Variants in RASSF9 observed in about 807,000 individuals in gnomAD.
RASSF9 encodes the protein ras association domain-containing protein 9.
Under a neutral mutation model 21.4 loss-of-function variants are expected in RASSF9, and 18 were observed. The observed-to-expected ratio is 0.84, with a 90% CI of 0.58 to 1.25. The LOEUF (loss-of-function observed/expected upper bound fraction) is 1.25. Among genes scored for constraint, RASSF9 ranks in the 50% most tolerant of loss-of-function variants. RASSF9 has a pLI of 0.00. For synonymous variants in RASSF9, 183 were observed against 179.1 expected, an observed-to-expected ratio of 1.02 and a Z score of -0.18; for missense variants, 480 against 503.2, an observed-to-expected ratio of 0.95 and a Z score of 0.44.
intron 1 of RASSF9, 51 bp downstream of exon 1, chr12:85,836,104 C>G: frequency 4.5e-6 from 6 of 1,334,372 alleles, no homozygotes; most frequent in Non-Finnish European, 6.0e-6. Flanking sequence ...ACACACAAGA[C>G]ACACACACAC....
At chr12:85,819,375 G>A (rs532812618) in intron 1 of RASSF9, among the ~76,000 whole-genome samples, 1 of 152,098 alleles carries the variant, frequency 6.6e-6, no homozygotes, top group Admixed American at 6.5e-5. Flanking sequence ...AATGTTTATC[G>A]TAAAAATTAG....
intron 1 of RASSF9, among the ~76,000 whole-genome samples, chr12:85,820,777 G>A (rs1387108538): frequency 6.6e-6 from 1 of 152,104 alleles, no homozygotes; most frequent in Non-Finnish European, 1.5e-5. Context: ...TCTTCTTTAA[G>A]TTTTAGAGAA....
chr12:85,806,272 G>T (rs371782218), intron 1 of RASSF9, among the ~76,000 whole-genome samples: 4 of 150,912 alleles, frequency 2.7e-5, no homozygotes, highest in African/African-American at 7.3e-5. Flanking sequence ...GGATGGTCTC[G>T]ATCTCCTGAC....
intron 1 of RASSF9, among the ~76,000 whole-genome samples, chr12:85,829,955 T>A (rs1444228280): frequency 1.3e-5 from 2 of 152,016 alleles, no homozygotes; most frequent in Non-Finnish European, 2.9e-5. Context: ...CAATTAGGAG[T>A]TTAATCTCTT....
chr12:85,811,283 G>C (rs907089305), intron 1 of RASSF9, among the ~76,000 whole-genome samples: 4 of 151,744 alleles, frequency 2.6e-5, no homozygotes, highest in African/African-American at 9.7e-5. Flanking sequence ...GAGGAATAGG[G>C]ACTGAGACTG....
At chr12:85,831,833 A>G (rs1880457772) in intron 1 of RASSF9, among the ~76,000 whole-genome samples, 1 of 152,000 alleles carries the variant, frequency 6.6e-6, no homozygotes, top group Non-Finnish European at 1.5e-5. Context: ...CTTCCGATGA[A>G]GCAATCATTG....
In RASSF9 at chr12:85,821,004, C is replaced by T. The variant is rs1044635488; in HGVS notation, c.48-15042G>A. Among the ~76,000 whole-genome samples the T allele has an allele frequency of 3.9e-5, 6 of 152,052 alleles. No homozygotes were observed. In the East Asian group the frequency reaches 1.2e-3, roughly 29 times the overall value. The stretch of plus-strand genomic sequence containing the variant: ...ACTAAAAATACAAAAATTAGTCAGG[C>T]GTAGTGGCACGGGCCTATAGTCCCA... On this transcript the variant is annotated intron_variant, in intron 1 of 1. Transcript: ENST00000361228.
chr12:85,836,401 G>T lies in RASSF9; in HGVS notation c.-200C>A. 3 of 1,222,418 alleles carry T rather than the reference G, an allele frequency of 2.5e-6. No homozygotes were observed. Among genetic ancestry groups the T allele is most frequent in the Non-Finnish European group, 2.2e-6 (2 of 899,888 alleles). The allele number at this position is 1,222,418 out of a possible 1,614,324, so 75.7% of individuals were successfully genotyped here. A position where few individuals can be genotyped will look rare whatever the true frequency, so the allele number is the denominator to read the frequency against. Reference sequence around the variant, plus strand: ...ACTGCTGCTTAACTTTGAACTGCGGGATTGTTGTGGCTGCTGCACCTCTGG... The same window carrying T: ...ACTGCTGCTTAACTTTGAACTGCGGTATTGTTGTGGCTGCTGCACCTCTGG... On this transcript the variant is annotated 5_prime_UTR_variant, in exon 1 of 2. Coordinates refer to ENST00000361228, the MANE Select transcript of RASSF9 (RefSeq NM_005447.4).
At position 85,805,295 on chromosome 12, in the gene RASSF9, T is replaced by C; in HGVS notation, c.715A>G (p.Ser239Gly). Residue 239 changes from serine to glycine, a missense_variant, in exon 2 of 2, where the codon AGT (serine) becomes GGT (glycine). Transcript: ENST00000361228. ...NYVQDAYLMP[S>G]FSEVEQNLDL... ...AGATTTTGCTCAACTTCACTGAAACTGGGCATTAAATATGCATCCTGAACA... is the reference window on the plus strand; with the variant it reads ...AGATTTTGCTCAACTTCACTGAAACCGGGCATTAAATATGCATCCTGAACA... 2 of 1,613,604 alleles carry C rather than the reference T, an allele frequency of 1.2e-6. No individual in the cohort carries two copies. The highest frequency in any genetic ancestry group is 1.7e-6 in the Non-Finnish European group (2 of 1,179,866).
At position 85,805,849 on chromosome 12, in the gene RASSF9, T is replaced by C; in HGVS notation, c.161A>G (p.Gln54Arg). Reference protein sequence around the residue: ...TKRTTSADVIQALLEEHEATF... With the variant: ...TKRTTSADVIRALLEEHEATF... ...AGCCTCATGTTCCTCAAGCAAAGCCTGGATGACATCAGCAGAGGTGGTGCG... is the reference window on the plus strand; with the variant it reads ...AGCCTCATGTTCCTCAAGCAAAGCCCGGATGACATCAGCAGAGGTGGTGCG... The change falls in exon 2 of 2, where the codon CAG becomes CGG. Residue 54 changes from glutamine to arginine, a missense_variant. Physicochemically the swap from Gln to Arg is conservative, Grantham distance 43 (BLOSUM62 1). Coordinates refer to ENST00000361228, the MANE Select transcript of RASSF9 (RefSeq NM_005447.4). 1 of 1,613,958 alleles carries C rather than the reference T, an allele frequency of 6.2e-7. No individual in the cohort carries two copies. The highest frequency in any genetic ancestry group is 1.3e-5 in the African/African-American group (1 of 75,042).
At chr12:85,812,506 T>C (rs1395086768) in intron 1 of RASSF9, among the ~76,000 whole-genome samples, 2 of 151,096 alleles carry the variant, frequency 1.3e-5, no homozygotes, top group African/African-American at 4.8e-5. Context: ...GAAAAATATA[T>C]AGCAGGAACG....
At chr12:85,825,813 C>T (rs947121642) in intron 1 of RASSF9, among the ~76,000 whole-genome samples, 1 of 148,086 alleles carries the variant, frequency 6.8e-6, no homozygotes, top group African/African-American at 2.6e-5. Context: ...CACACACACA[C>T]ACCCTTACAG....
intron 1 of RASSF9, among the ~76,000 whole-genome samples, chr12:85,807,642 C>A (rs1222280885): frequency 2.6e-5 from 4 of 151,916 alleles, no homozygotes; most frequent in Non-Finnish European, 5.9e-5. Flanking sequence ...CCCTACCCAG[C>A]ACGGAGAGGC....
chr12:85,826,343 C>T (rs1449674226), intron 1 of RASSF9, among the ~76,000 whole-genome samples: 8 of 152,004 alleles, frequency 5.3e-5, no homozygotes, highest in African/African-American at 1.9e-4. Flanking sequence ...CTATAAATTC[C>T]GCCTCCATGG....
At chr12:85,830,701 A>T (rs184250441) in intron 1 of RASSF9, among the ~76,000 whole-genome samples, 4 of 152,196 alleles carry the variant, frequency 2.6e-5, no homozygotes, top group African/African-American at 9.6e-5. Context: ...TACTTGAAAT[A>T]TCTTGTTTAT....
At chr12:85,826,478 C>T (rs1239871980) in intron 1 of RASSF9, among the ~76,000 whole-genome samples, 2 of 143,924 alleles carry the variant, frequency 1.4e-5, no homozygotes, top group Non-Finnish European at 3.0e-5. Context: ...GGCAGAATCT[C>T]GCTCTGTCGC....
At chr12:85,822,918 C>T (rs576883014) in intron 1 of RASSF9, among the ~76,000 whole-genome samples, 32 of 152,104 alleles carry the variant, frequency 2.1e-4, no homozygotes, top group Admixed American at 1.8e-3. Flanking sequence ...TGTCTACTGC[C>T]GGCCAGGCAC....
chr12:85,826,805 A>G (rs1189765377), intron 1 of RASSF9, among the ~76,000 whole-genome samples: 1 of 152,176 alleles, frequency 6.6e-6, no homozygotes, highest in Non-Finnish European at 1.5e-5. Context: ...CATAATGATT[A>G]TATCATTTTC....
chr12:85,819,220 T>G (rs1484032093), intron 1 of RASSF9, among the ~76,000 whole-genome samples: 2 of 151,842 alleles, frequency 1.3e-5, no homozygotes, highest in Non-Finnish European at 2.9e-5. Flanking sequence ...ATTTTTTTTT[T>G]TCTTTTTTTA....
Sources: gnomAD v4.1 joint callset for allele counts (sites outside exome capture counted in the v4.1 genomes callset) on GRCh38, gnomAD v4.1.1 for gene constraint, MANE v1.5 for transcripts, NCBI Gene and HGNC (gene_info 2026-07-23, HGNC 2026-07-21) for gene names.